Variants in SH3D19 observed in about 807,000 individuals in gnomAD.
The protein encoded by SH3D19 is SH3 domain-containing protein 19.
Under a neutral mutation model 112.1 loss-of-function variants are expected in SH3D19, and 58 were observed. The ratio of observed to expected loss-of-function variants is 0.52; its 90% CI spans 0.42 to 0.64. The LOEUF (loss-of-function observed/expected upper bound fraction) is 0.64, where lower values mean the gene tolerates loss of function less well. Ranked by LOEUF, SH3D19 falls within the 30% of genes least tolerant of loss-of-function variation. The probability of loss-of-function intolerance (pLI) is 0.00; values close to 1 mark genes in which losing one functional copy is unlikely to be tolerated. For synonymous variants in SH3D19, 391 were observed against 448.5 expected (o/e 0.87, Z 1.62); for missense variants, 1,090 against 1,263.4 (o/e 0.86, Z 2.08).
At chr4:151,288,162 A>C (rs1252146587) in intron 1 of SH3D19, among the ~76,000 whole-genome samples, 1 of 152,214 alleles carries the variant, frequency 6.6e-6, no homozygotes, top group Non-Finnish European at 1.5e-5. Context: ...AAAAACCCAC[A>C]GCTAAAATAC....
At chr4:151,314,068 G>GT (rs1561454111) in intron 1 of SH3D19, among the ~76,000 whole-genome samples, 1 of 152,092 alleles carries the variant, frequency 6.6e-6, no homozygotes. Flanking sequence ...CTTGATTAAC[G>GT]TATCTTCTGG....
At chr4:151,292,216 T>C (rs1775389729) in intron 1 of SH3D19, among the ~76,000 whole-genome samples, 1 of 151,828 alleles carries the variant, frequency 6.6e-6, no homozygotes, top group African/African-American at 2.4e-5. Flanking sequence ...GAAGGATAGC[T>C]TGAGACCAGG....
chr4:151,182,107 G>GC (rs1761053669), intron 3 of SH3D19, among the ~76,000 whole-genome samples: 1 of 151,922 alleles, frequency 6.6e-6, no homozygotes, highest in Admixed American at 6.6e-5. Context: ...TCCTGCCTCA[G>GC]CCCCCTGAGT....
At chr4:151,131,692 G>A (rs545748487) in intron 17 of SH3D19, among the ~76,000 whole-genome samples, 71 of 152,130 alleles carry the variant, frequency 4.7e-4, no homozygotes, top group Non-Finnish European at 9.0e-4. Context: ...GTTTCACCGT[G>A]TTAGCCAGGG....
Position 151,213,687 on chromosome 4 carries a change from A to AATTT in SH3D19, c.152+12356_152+12359dup, listed in dbSNP as rs1554055411. On this transcript the variant is annotated intron_variant, in intron 2 of 19. Coordinates refer to ENST00000604030, the MANE Select transcript of SH3D19 (RefSeq NM_001378122.1). ...ATATGAATTAATTAATTAATTAATT[A>AATTT]ATTTATTTATTTATTTGACAGGGTC... Among the ~76,000 whole-genome samples the AATTT allele has an allele frequency of 2.6e-3, 380 of 148,430 alleles. 1 individual carries two copies. Among genetic ancestry groups the AATTT allele is most frequent in the Non-Finnish European group, 3.6e-3 (242 of 67,756 alleles).
intron 1 of SH3D19, chr4:151,279,695 A>G: frequency 1.7e-6 from 2 of 1,151,776 alleles, no homozygotes; most frequent in Non-Finnish European, 2.5e-6. Flanking sequence ...GGGAGGGTTC[A>G]GGTCCTAGGA....
chr4:151,254,941 G>A (rs1196652845), intron 1 of SH3D19, among the ~76,000 whole-genome samples: 15 of 150,256 alleles, frequency 1.0e-4, no homozygotes, highest in African/African-American at 3.7e-4. Flanking sequence ...CGGCTGGCCA[G>A]GCGGGGGGCT....
At position 151,138,837 on chromosome 4, in the gene SH3D19, G is replaced by T. The variant is rs1752417543; in HGVS notation, c.2296+938C>A. 2.6e-5 allele frequency among the ~76,000 whole-genome samples: 4 copies of T among 152,058 alleles called. No individual in the cohort carries two copies. The South Asian group carries it at 8.3e-4, about 32-fold the overall frequency. On this transcript the variant is annotated intron_variant, in intron 13 of 19. Transcript: ENST00000604030. ...TTAACTTTATTACAATTTTTTTGTT[G>T]TTGTTGTTTTTTGAGACGGGGTTTT...
intron 1 of SH3D19, among the ~76,000 whole-genome samples, chr4:151,235,013 C>G (rs1400944885): frequency 6.6e-6 from 1 of 152,088 alleles, no homozygotes; most frequent in East Asian, 1.9e-4. Context: ...GCCTCCCAAA[C>G]TGCTGGGATT....
chr4:151,176,636 T>C lies in SH3D19; in HGVS notation c.427A>G (p.Asn143Asp). The change falls in exon 6 of 20, where the codon AAT (asparagine) becomes GAT (aspartate). Residue 143 changes from asparagine (N) to aspartate (D), a missense_variant. Physicochemically the swap from Asn to Asp is conservative, Grantham distance 23. Coordinates refer to ENST00000604030, the MANE Select transcript of SH3D19 (RefSeq NM_001378122.1). ...VIKEINQVQV[N>D]TTNNNNAAAT... The stretch of plus-strand genomic sequence containing the variant: ...GCAGCATTATTATTATTTGTAGTAT[T>C]AACTTGAACTTGGTTGATTTCTTTT... 2.4e-6 allele frequency: 3 copies of C among 1,231,892 alleles called. No homozygotes were observed. In the South Asian group the frequency reaches 1.2e-4, roughly 51 times the overall value. 76.3% of individuals were successfully genotyped at this position (1,231,892 alleles called of 1,614,324 possible).
chr4:151,288,800 G>C (rs1024215289), intron 1 of SH3D19, among the ~76,000 whole-genome samples: 5 of 152,154 alleles, frequency 3.3e-5, no homozygotes, highest in African/African-American at 1.2e-4. Context: ...TAGGAATAAA[G>C]TTAATATTGC....
rs545155787 is a variant in SH3D19 at position 151,133,218 on chromosome 4, A to G, written c.2505T>C (p.Ala835=). The part of the protein sequence containing the change: ...SHCVKGSRCV[A]RFEYIGEQKD... The stretch of plus-strand genomic sequence containing the variant: ...TCTGCTCTCCAATATATTCAAACCG[A>G]GCAACACATCTTGAGCCTCTGAATG... Residue 835 remains alanine, a synonymous_variant, in exon 16 of 20, where the codon GCT becomes GCC. Coordinates refer to ENST00000604030, the MANE Select transcript of SH3D19 (RefSeq NM_001378122.1). 1.2e-6 allele frequency: 2 copies of G among 1,614,124 alleles called. No homozygotes were observed. Among genetic ancestry groups the G allele is most frequent in the African/African-American group, 2.7e-5 (2 of 75,022 alleles).
At chr4:151,146,781 G>T (rs562126748) in intron 11 of SH3D19, among the ~76,000 whole-genome samples, 2 of 151,524 alleles carry the variant, frequency 1.3e-5, no homozygotes, top group African/African-American at 4.8e-5. Flanking sequence ...TGATCCACCC[G>T]CCTCGGCCTC....
chr4:151,271,706 G>T (rs1043495277), intron 1 of SH3D19, among the ~76,000 whole-genome samples: 1 of 152,132 alleles, frequency 6.6e-6, no homozygotes, highest in Non-Finnish European at 1.5e-5. Flanking sequence ...TGTTTGGGTA[G>T]AATTAAATAC....
chr4:151,321,035 T>C (rs931875302), intron 1 of SH3D19, among the ~76,000 whole-genome samples: 13 of 152,162 alleles, frequency 8.5e-5, no homozygotes, highest in African/African-American at 2.9e-4. Flanking sequence ...AGCAAGACTC[T>C]GTCTCAAAAC....
chr4:151,166,252 G>C (rs970194649), intron 7 of SH3D19: 13 of 152,212 alleles, frequency 8.5e-5, no homozygotes, highest in African/African-American at 3.1e-4. Context: ...AATAAAATAA[G>C]ACATATCCCT....
At chr4:151,165,485 G>A (rs1430994032) in intron 8 of SH3D19, 104 bp downstream of exon 8, 2 of 875,822 alleles carry the variant, frequency 2.3e-6, no homozygotes, top group East Asian at 2.5e-5. Flanking sequence ...CTTTGACTAT[G>A]AATGGCAGAT....
intron 3 of SH3D19, among the ~76,000 whole-genome samples, chr4:151,183,461 A>G (rs1402228695): frequency 6.6e-6 from 1 of 152,192 alleles, no homozygotes; most frequent in East Asian, 1.9e-4. Flanking sequence ...CAAACTTCAC[A>G]GAGGAGAAGA....
intron 2 of SH3D19, among the ~76,000 whole-genome samples, chr4:151,219,461 G>C (rs1224802641): frequency 6.6e-6 from 1 of 152,092 alleles, no homozygotes; most frequent in Non-Finnish European, 1.5e-5. Context: ...TGATAGTCCT[G>C]AATAAAGTCT....
Sources: allele counts gnomAD v4.1 joint callset (sites outside exome capture counted in the v4.1 genomes callset), GRCh38; gene constraint gnomAD v4.1.1; transcripts MANE v1.5; gene names NCBI Gene and HGNC (gene_info 2026-07-23, HGNC 2026-07-21).